Variants in HNRNPAB observed in about 807,000 individuals in gnomAD.
The protein encoded by HNRNPAB is ABBP-1.
A neutral mutation model predicts 44.1 loss-of-function variants in HNRNPAB; 17 were observed. That is an observed-to-expected ratio of 0.39 (90% confidence interval 0.26 to 0.58). The LOEUF (loss-of-function observed/expected upper bound fraction) is 0.58, where lower values mean the gene tolerates loss of function less well. Among genes scored for constraint, HNRNPAB ranks in the 20% least tolerant of loss-of-function variants. The probability of loss-of-function intolerance (pLI) is 0.63; values close to 1 mark genes in which losing one functional copy is unlikely to be tolerated. For missense variants in HNRNPAB, 393 were observed against 432.7 expected (o/e 0.91, Z 0.81); for synonymous variants, 183 against 167.6 (o/e 1.09, Z -0.71).
In HNRNPAB at chr5:178,205,892, A is replaced by G; in HGVS notation, c.260A>G (p.Lys87Arg). Residue 87 changes from lysine to arginine, a missense_variant, in exon 3 of 8, where the codon AAA becomes AGA. This residue lies in a region of HNRNPAB where 102 missense variants were observed against 162.3 expected (regional missense o/e 0.63). Coordinates refer to ENST00000358344, the MANE Select transcript of HNRNPAB (RefSeq NM_031266.3). ...TGGGATACTAGCAAAAAAGATTTAA[A>G]AGACTATTTTACTAAATTTGGAGAG... The part of the protein sequence containing the change: ...LSWDTSKKDL[K>R]DYFTKFGEVV... 2 of 1,614,184 alleles carry G rather than the reference A, an allele frequency of 1.2e-6. No individual in the cohort carries two copies. The highest frequency in any genetic ancestry group is 1.7e-6 in the Non-Finnish European group (2 of 1,180,014).
rs548018009 is a variant in HNRNPAB, at chr5:178,207,283, G to C, written c.669+58G>C. Reference sequence around the variant, plus strand: ...TGCTGCTGGAGAGCTGGCCCTTAGAGGGATGGGTTAGGGGTTGGGCCTCAT... The same window carrying C: ...TGCTGCTGGAGAGCTGGCCCTTAGACGGATGGGTTAGGGGTTGGGCCTCAT... On this transcript the variant is annotated intron_variant, in intron 5 of 7. Coordinates refer to ENST00000358344, the MANE Select transcript of HNRNPAB (RefSeq NM_031266.3). The C allele has an allele frequency of 5.6e-6, 9 of 1,603,438 alleles. No homozygotes were observed. The African/African-American group carries it at 8.0e-5, about 14-fold the overall frequency.
At chr5:178,206,086 G>GACT (rs1350454255) in intron 3 of HNRNPAB, 76 bp downstream of exon 3, 1 of 1,405,076 alleles carries the variant, frequency 7.1e-7, no homozygotes, top group Non-Finnish European at 9.9e-7. Context: ...CTTAAAGCAT[G>GACT]ACTAGTTTGT....
At position 178,210,159 on chromosome 5, in the gene HNRNPAB, A is replaced by C; in HGVS notation, c.815A>C (p.Tyr272Ser). The C allele has an allele frequency of 1.9e-6, 3 of 1,614,050 alleles. No homozygotes were observed. Among genetic ancestry groups the C allele is most frequent in the Non-Finnish European group, 1.7e-6 (2 of 1,179,908 alleles). ...CAGAGTCAGAGTTGGAATCAGGGCT[A>C]CGGCAACTACTGGAACCAGGGCTAC... The part of the protein sequence containing the change: ...GGQSQSWNQG[Y>S]GNYWNQGYGY... The change falls in exon 7 of 8, where the codon TAC becomes TCC. Residue 272 changes from tyrosine (Y) to serine (S), a missense_variant. Around this residue, in one of 3 missense-constraint regions of HNRNPAB, gnomAD observed 210 missense variants for 196.9 expected, o/e 1.07. Coordinates refer to ENST00000358344, the MANE Select transcript of HNRNPAB (RefSeq NM_031266.3).
Position 178,210,970 on chromosome 5 carries a change from C to A in HNRNPAB, c.*347C>A. 3.6e-6 allele frequency: 1 copy of A among 275,070 alleles called. No homozygotes were observed. The highest frequency in any genetic ancestry group is 6.9e-6 in the Non-Finnish European group (1 of 145,976). The allele number at this position is 275,070 out of a possible 1,614,324, so 17.0% of individuals were successfully genotyped here. ...ATTGTATCTTAGGAAACCAGTGTCACCTTTTTTTCACCTTTTAATTTTATA... is the reference window on the plus strand; with the variant it reads ...ATTGTATCTTAGGAAACCAGTGTCAACTTTTTTTCACCTTTTAATTTTATA... On this transcript the variant is annotated 3_prime_UTR_variant, in exon 8 of 8. Coordinates refer to ENST00000358344, the MANE Select transcript of HNRNPAB (RefSeq NM_031266.3).
At position 178,205,060 on chromosome 5, in the gene HNRNPAB, C is replaced by T; in HGVS notation, c.209+14C>T. 1 of 1,201,852 alleles carries T rather than the reference C, an allele frequency of 8.3e-7. No homozygotes were observed. The highest frequency in any genetic ancestry group is 4.1e-5 in the South Asian group (1 of 24,118). 74.4% of individuals were successfully genotyped at this position (1,201,852 alleles called of 1,614,324 possible). ...GGAGGACGCGGGGTAGGTGCGGCCG[C>T]GGGCGGACGGGGGCGCCGCCTTTGT... On this transcript the variant is annotated intron_variant, in intron 2 of 7. Transcript: ENST00000358344.
chr5:178,207,817 C>T (rs1757151864), intron 5 of HNRNPAB, among the ~76,000 whole-genome samples: 2 of 150,782 alleles, frequency 1.3e-5, no homozygotes, highest in African/African-American at 4.9e-5. Flanking sequence ...ATCCTCCCAT[C>T]TCAGCCTCTC....
At chr5:178,206,069 C>A in intron 3 of HNRNPAB, 59 bp downstream of exon 3, 1 of 1,486,486 alleles carries the variant, frequency 6.7e-7, no homozygotes, top group Non-Finnish European at 9.3e-7. Context: ...TCTAAGAGGA[C>A]ACCTTTCTTA....
chr5:178,206,043 T>C (rs764701346), intron 3 of HNRNPAB, 33 bp downstream of exon 3: 2 of 1,585,076 alleles, frequency 1.3e-6, no homozygotes, highest in Non-Finnish European at 1.7e-6. Context: ...GCAGTCTCAG[T>C]GGAAACGATT....
chr5:178,207,548 G>T (rs1036473356), intron 5 of HNRNPAB, among the ~76,000 whole-genome samples: 4 of 152,142 alleles, frequency 2.6e-5, no homozygotes, highest in African/African-American at 9.7e-5. Flanking sequence ...CCAGGGGTAT[G>T]AAGCCTGCAG....
intron 7 of HNRNPAB, 140 bp downstream of exon 7, chr5:178,210,412 T>TA (rs1285655467): frequency 1.3e-6 from 2 of 1,542,914 alleles, no homozygotes; most frequent in African/African-American, 2.7e-5. Context: ...TTTTGAGCCT[T>TA]AGACTTCGGG....
rs765489321 is a variant in HNRNPAB at position 178,207,090 on chromosome 5, G to C, written c.538-4G>C. On this transcript the variant is annotated splice_region_variant and splice_polypyrimidine_tract_variant and intron_variant, in intron 4 of 7. Coordinates refer to ENST00000358344, the MANE Select transcript of HNRNPAB (RefSeq NM_031266.3). Reference sequence around the variant, plus strand: ...GGGCCTGAGTTTGCCTATGCTTTTTGCAGATTGAGGCCATTGAATTGCCAA... The same window carrying C: ...GGGCCTGAGTTTGCCTATGCTTTTTCCAGATTGAGGCCATTGAATTGCCAA... 6.2e-7 allele frequency: 1 copy of C among 1,613,658 alleles called. No individual in the cohort carries two copies.
intron 6 of HNRNPAB, among the ~76,000 whole-genome samples, chr5:178,209,680 C>T (rs753911964): frequency 6.6e-6 from 1 of 152,042 alleles, no homozygotes; most frequent in Admixed American, 6.5e-5. Flanking sequence ...ATTTGTGTTA[C>T]ACTCTGGGGG....
intron 5 of HNRNPAB, among the ~76,000 whole-genome samples, chr5:178,207,956 C>A (rs759214323): frequency 2.6e-5 from 4 of 152,114 alleles, no homozygotes; most frequent in Non-Finnish European, 5.9e-5. Flanking sequence ...GGATTACAGG[C>A]ATGAACTGCC....
chr5:178,207,324 G>C, intron 5 of HNRNPAB, 99 bp downstream of exon 5: 1 of 1,452,206 alleles, frequency 6.9e-7, no homozygotes. Flanking sequence ...AGCTCTCCAG[G>C]TTGGTCAGAC....
intron 5 of HNRNPAB, chr5:178,208,561 G>A (rs1757232527): frequency 6.6e-6 from 1 of 152,172 alleles, no homozygotes; most frequent in South Asian, 2.1e-4. Context: ...ATTTTAATTT[G>A]CCAATTAAAA....
intron 5 of HNRNPAB, 90 bp downstream of exon 5, chr5:178,207,315 G>C: frequency 6.7e-7 from 1 of 1,500,246 alleles, no homozygotes; most frequent in Non-Finnish European, 9.1e-7. Flanking sequence ...TCATGCAGGA[G>C]CTCTCCAGGT....
intron 5 of HNRNPAB, 124 bp downstream of exon 5, chr5:178,207,349 G>C: frequency 1.8e-6 from 2 of 1,139,694 alleles, no homozygotes; most frequent in Non-Finnish European, 2.5e-6. Context: ...CTATTTCTCT[G>C]AAGCGTATGC....
At chr5:178,207,287 T>C in intron 5 of HNRNPAB, 62 bp downstream of exon 5, 2 of 1,599,958 alleles carry the variant, frequency 1.3e-6, no homozygotes, top group Non-Finnish European at 1.7e-6. Flanking sequence ...CTTAGAGGGA[T>C]GGGTTAGGGG....
At chr5:178,207,365 T>C in intron 5 of HNRNPAB, 140 bp downstream of exon 5, 3 of 958,246 alleles carry the variant, frequency 3.1e-6, no homozygotes, top group East Asian at 2.5e-5. Flanking sequence ...TATGCTGCCC[T>C]GATTGGGGCA....
Sources: gnomAD v4.1 joint callset for allele counts (sites outside exome capture counted in the v4.1 genomes callset) on GRCh38, gnomAD v4.1.1 for gene constraint, gnomAD v4.1.1 regional missense constraint, MANE v1.5 for transcripts, NCBI Gene and HGNC (gene_info 2026-07-23, HGNC 2026-07-21) for gene names.